DOK2: variants seen among roughly 807,000 people sequenced by gnomAD.
The protein encoded by DOK2 is docking protein 2, 56kD.
Under a neutral mutation model 26.0 loss-of-function variants are expected in DOK2, and 28 were observed. That is an observed-to-expected ratio of 1.08 (90% CI 0.80 to 1.48). The LOEUF is 1.48. Ranked by LOEUF, DOK2 falls within the 40% of genes most tolerant of loss-of-function variation. The pLI is 0.00. For missense variants in DOK2, 682 were observed against 558.2 expected (o/e 1.22, Z -2.23); for synonymous variants, 282 against 236.9 (o/e 1.19, Z -1.75).
Position 21,911,943 on chromosome 8 carries a change from G to A in DOK2, c.391C>T (p.Pro131Ser). ...LSGPEGKQSR[P>S]CMEENELYSS... ...TACAATTCATTTTCCTCCATGCAGG[G>A]CCGGCTCTGCTTTCCCTCTGGCCCC... The change falls in exon 3 of 5, where the codon CCC becomes TCC. Residue 131 changes from proline (P) to serine (S), a missense_variant. By Grantham distance (74) the Pro-to-Ser change is moderately conservative (BLOSUM62 -1). Transcript: ENST00000276420. 2 of 1,562,354 alleles carry A rather than the reference G, an allele frequency of 1.3e-6. No homozygotes were observed. The highest frequency in any genetic ancestry group is 2.4e-5 in the East Asian group (1 of 42,448).
Position 21,909,234 on chromosome 8 carries a change from G to C in DOK2, c.*77C>G, listed in dbSNP as rs1809714558. Reference sequence around the variant, plus strand: ...CTCGGGCTCCAGAAGGGGCAGAGGAGGTTCTTCTGATGCAGTGGCCAGGAG... The same window carrying C: ...CTCGGGCTCCAGAAGGGGCAGAGGACGTTCTTCTGATGCAGTGGCCAGGAG... On this transcript the variant is annotated 3_prime_UTR_variant, in exon 5 of 5. Coordinates refer to ENST00000276420, the MANE Select transcript of DOK2 (RefSeq NM_003974.4). 11 of 1,487,350 alleles carry C rather than the reference G, an allele frequency of 7.4e-6. No homozygotes were observed. The South Asian group carries it at 1.4e-4, about 19-fold the overall frequency. The allele number at this position is 1,487,350 out of a possible 1,614,324, so 92.1% of individuals were successfully genotyped here.
At chr8:21,910,975 A>C in intron 3 of DOK2, 118 bp from the exon 4 acceptor site, 1 of 1,174,850 alleles carries the variant, frequency 8.5e-7, no homozygotes, top group Non-Finnish European at 1.2e-6. Context: ...TTATCCACAC[A>C]CTTATGGCCC....
rs780288303 is a variant in DOK2, at chr8:21,912,560, G to T, written c.64-50C>A. On this transcript the variant is annotated intron_variant, in intron 1 of 4. Transcript: ENST00000276420. ...GGGCGGGAGGGAGCCACCCAGAGAC[G>T]GGGAGATCGTGAGCCAAGGGGAGAA... is the stretch of plus-strand genomic sequence containing the variant. The T allele has an allele frequency of 3.2e-5, 46 of 1,450,336 alleles. No individual in the cohort carries two copies. Among genetic ancestry groups the T allele is most frequent in the Admixed American group, 5.3e-5 (2 of 37,916 alleles). The allele number at this position is 1,450,336 out of a possible 1,614,324, so 89.8% of individuals were successfully genotyped here.
At chr8:21,910,507 TCTC>T (rs1809799020) in intron 4 of DOK2, among the ~76,000 whole-genome samples, 163 bp downstream of exon 4, 1 of 152,072 alleles carries the variant, frequency 6.6e-6, no homozygotes, top group Non-Finnish European at 1.5e-5. Context: ...CTCCACCTCT[TCTC>T]ATTCTCCTTC....
At position 21,909,861 on chromosome 8, in the gene DOK2, T is replaced by C; in HGVS notation, c.689A>G (p.Gln230Arg). 1 of 1,613,888 alleles carries C rather than the reference T, an allele frequency of 6.2e-7. No individual in the cohort carries two copies. Among genetic ancestry groups the C allele is most frequent in the Non-Finnish European group, 8.5e-7 (1 of 1,180,016 alleles). The part of the protein sequence containing the change: ...GEGNFEFETR[Q>R]GNEIFLALEE... The stretch of plus-strand genomic sequence containing the variant: ...CAGGGCCAAGAAGATCTCATTGCCT[T>C]GCCGGGTTTCGAACTCAAAGTTGCC... Residue 230 changes from glutamine (Q) to arginine (R), a missense_variant, in exon 5 of 5, where the codon CAA becomes CGA. By Grantham distance (43) the Gln-to-Arg change is conservative. Coordinates refer to ENST00000276420, the MANE Select transcript of DOK2 (RefSeq NM_003974.4).
chr8:21,912,165 AG>A (rs1809874964), intron 2 of DOK2, 63 bp downstream of exon 2: 7 of 1,483,316 alleles, frequency 4.7e-6, no homozygotes, highest in Admixed American at 2.2e-5. Context: ...ACTTGCCCAC[AG>A]GAAGTATCTA....
rs760058864 is a variant in DOK2, at chr8:21,912,260, C to A, written c.314G>T (p.Trp105Leu). 2 of 1,574,628 alleles carry A rather than the reference C, an allele frequency of 1.3e-6. No individual in the cohort carries two copies. The highest frequency in any genetic ancestry group is 1.7e-6 in the Non-Finnish European group (2 of 1,163,284). ...LAAPAAERGD[W>L]VQAICLLAFP... ...GGCCAGGAGGCAGATGGCCTGCACCCAGTCGCCGCGCTCCGCTGCAGGGGC... is the reference window on the plus strand; with the variant it reads ...GGCCAGGAGGCAGATGGCCTGCACCAAGTCGCCGCGCTCCGCTGCAGGGGC... Residue 105 changes from tryptophan to leucine, a missense_variant, in exon 2 of 5, where the codon TGG becomes TTG. Transcript: ENST00000276420.
chr8:21,912,364 C>A lies in DOK2; in HGVS notation c.210G>T (p.Glu70Asp). Residue 70 changes from glutamate (E) to aspartate (D), a missense_variant, in exon 2 of 5, where the codon GAG (glutamate) becomes GAT (aspartate). Glu to Asp is a conservative substitution (Grantham distance 45). Transcript: ENST00000276420. ...GGGGGCTGCTGGCCTCTCCGCCGGCCTCGGCCACCCGCAGGCAGTCACTGA... is the reference window on the plus strand; with the variant it reads ...GGGGGCTGCTGGCCTCTCCGCCGGCATCGGCCACCCGCAGGCAGTCACTGA... ...IRLSDCLRVA[E>D]AGGEASSPRD... The A allele has an allele frequency of 6.2e-7, 1 of 1,606,590 alleles. No homozygotes were observed. The highest frequency in any genetic ancestry group is 8.5e-7 in the Non-Finnish European group (1 of 1,178,080).
At position 21,909,594 on chromosome 8, in the gene DOK2, G is replaced by C; in HGVS notation, c.956C>G (p.Ala319Gly). The C allele has an allele frequency of 1.2e-6, 2 of 1,614,002 alleles. No individual in the cohort carries two copies. The highest frequency in any genetic ancestry group is 1.7e-6 in the Non-Finnish European group (2 of 1,180,034). ...GTCGGCCAGGAGCTGAGGAGGGACT[G>C]CCAAGATGCCCCTGAAGTTCTTCCC... ...SLGKNFRGIL[A>G]VPPQLLADPL... Residue 319 changes from alanine to glycine, a missense_variant, in exon 5 of 5, where the codon GCA (alanine) becomes GGA (glycine). Coordinates refer to ENST00000276420, the MANE Select transcript of DOK2 (RefSeq NM_003974.4).
chr8:21,912,715 C>T, intron 1 of DOK2: 1 of 596,054 alleles, frequency 1.7e-6, no homozygotes, highest in South Asian at 2.2e-5. Context: ...AGATCAGCCG[C>T]CAGCCCCGAG....
rs2117202089 is a variant in DOK2 at position 21,909,879 on chromosome 8, A to G, written c.671T>C (p.Phe224Ser). 6.2e-7 allele frequency: 1 copy of G among 1,613,704 alleles called. No individual in the cohort carries two copies. Among genetic ancestry groups the G allele is most frequent in the East Asian group, 2.2e-5 (1 of 44,864 alleles). ...ATTGCCTTGCCGGGTTTCGAACTCA[A>G]AGTTGCCCTCTCCAGAGACGCAGCG... is the stretch of plus-strand genomic sequence containing the variant. ...GRRCVSGEGN[F>S]EFETRQGNEI... The change falls in exon 5 of 5, where the codon TTT becomes TCT. Residue 224 changes from phenylalanine to serine, a missense_variant. Coordinates refer to ENST00000276420, the MANE Select transcript of DOK2 (RefSeq NM_003974.4).
intron 1 of DOK2, 92 bp downstream of exon 1, chr8:21,913,447 A>AAT: frequency 6.7e-7 from 1 of 1,494,226 alleles, no homozygotes; most frequent in Non-Finnish European, 9.2e-7. Context: ...TCAGACCTAT[A>AAT]AGGGTTTTGA....
At chr8:21,910,890 G>A (rs777403513) in intron 3 of DOK2, 33 bp from the exon 4 acceptor site, 3 of 1,567,408 alleles carry the variant, frequency 1.9e-6, no homozygotes, top group African/African-American at 2.7e-5. Flanking sequence ...GGCGAAGGCA[G>A]TTAATGGGAA....
rs151123448 is a variant in DOK2 at position 21,909,650 on chromosome 8, G to A, written c.900C>T (p.Ala300=). 2.3e-5 allele frequency: 37 copies of A among 1,613,052 alleles called. No homozygotes were observed. The highest frequency in any genetic ancestry group is 6.7e-5 in the East Asian group (3 of 44,878). ...AACGGGCCACCGCATCGAAGGGCAC[G>A]GCATACTCCCCCTCCTGGCCCCGAG... ...PRPRGQEGEY[A]VPFDAVARSL... Residue 300 remains alanine (A), a synonymous_variant, in exon 5 of 5, where the codon GCC becomes GCT. Transcript: ENST00000276420.
chr8:21,910,633 T>C, intron 4 of DOK2, 40 bp downstream of exon 4: 1 of 1,610,656 alleles, frequency 6.2e-7, no homozygotes, highest in Non-Finnish European at 8.5e-7. Context: ...TCGTAGCTTA[T>C]CCTTTCTCTC....
chr8:21,913,627 C>G lies in DOK2; in HGVS notation c.-26G>C. On this transcript the variant is annotated 5_prime_UTR_variant, in exon 1 of 5. Coordinates refer to ENST00000276420, the MANE Select transcript of DOK2 (RefSeq NM_003974.4). ...CCTCTGACCATCTCGGAGCCCCAGGCTTCAGCTCTCTCCTTCACTCCTGCC... is the reference window on the plus strand; with the variant it reads ...CCTCTGACCATCTCGGAGCCCCAGGGTTCAGCTCTCTCCTTCACTCCTGCC... 4 of 1,613,488 alleles carry G rather than the reference C, an allele frequency of 2.5e-6. No homozygotes were observed. The highest frequency in any genetic ancestry group is 3.4e-6 in the Non-Finnish European group (4 of 1,179,758).
Position 21,909,461 on chromosome 8 carries a change from G to T in DOK2, c.1089C>A (p.Pro363=), listed in dbSNP as rs773008623. The change falls in exon 5 of 5, where the codon CCC becomes CCA. Residue 363 remains proline, a synonymous_variant. Transcript: ENST00000276420. ...CCTGCCTCCTCCATGCCTCACCCCG[G>T]GGCTCCTGCGGGCTGTCATAGAGGG... ...ALSLYDSPQE[P]RGEAWRRQAT... The T allele has an allele frequency of 2.5e-6, 4 of 1,613,494 alleles. No homozygotes were observed. Among genetic ancestry groups the T allele is most frequent in the Non-Finnish European group, 3.4e-6 (4 of 1,179,586 alleles).
chr8:21,909,477 T>C lies in DOK2; in HGVS notation c.1073A>G (p.Asp358Gly), dbSNP rs749737261. The C allele has an allele frequency of 5.0e-6, 8 of 1,613,808 alleles. No individual in the cohort carries two copies. The highest frequency in any genetic ancestry group is 4.5e-5 in the East Asian group (2 of 44,876). Residue 358 changes from aspartate (D) to glycine (G), a missense_variant, in exon 5 of 5, where the codon GAC becomes GGC. Asp to Gly is a moderately conservative substitution (Grantham distance 94). Coordinates refer to ENST00000276420, the MANE Select transcript of DOK2 (RefSeq NM_003974.4). ...PEGVAALSLY[D>G]SPQEPRGEAW... ...CTCACCCCGGGGCTCCTGCGGGCTG[T>C]CATAGAGGGACAGGGCAGCCACTCC...
In DOK2 at chr8:21,912,311, G is replaced by A. The variant is rs147786765; in HGVS notation, c.263C>T (p.Thr88Ile). 1 of 1,604,512 alleles carries A rather than the reference G, an allele frequency of 6.2e-7. No individual in the cohort carries two copies. The change falls in exon 2 of 5, where the codon ACC becomes ATC. Residue 88 changes from threonine (T) to isoleucine (I), a missense_variant. Physicochemically the swap from Thr to Ile is moderately conservative, Grantham distance 89. Transcript: ENST00000276420. ...PRDTSAFFLE[T>I]KERLYLLAAP... Reference sequence around the variant, plus strand: ...CGCCAGGAGGTACAGGCGCTCCTTGGTCTCCAGGAAGAAGGCACTGGTGTC... The same window carrying A: ...CGCCAGGAGGTACAGGCGCTCCTTGATCTCCAGGAAGAAGGCACTGGTGTC...
Sources: gnomAD v4.1 joint callset for allele counts (sites outside exome capture counted in the v4.1 genomes callset) on GRCh38, gnomAD v4.1.1 for gene constraint, MANE v1.5 for transcripts, NCBI Gene and HGNC (gene_info 2026-07-23, HGNC 2026-07-21) for gene names.